CCDC192: variants seen among roughly 807,000 people sequenced by gnomAD.
CCDC192 encodes coiled-coil domain-containing protein 192.
Position 127,918,292 on chromosome 5 carries a change from C to T in CCDC192, c.536-22890C>T, listed in dbSNP as rs182590524. On this transcript the variant is annotated intron_variant, in intron 6 of 6. Transcript: ENST00000514853. ...CCAATTAAATGAGATATGCCCCTGT[C>T]TTTCAAGATGCTTGCTTTTATCACG... 1.1e-3 allele frequency among the ~76,000 whole-genome samples: 166 copies of T among 149,822 alleles called. 1 individual carries two copies. Among genetic ancestry groups the T allele is most frequent in the Middle Eastern group, 6.9e-3 (2 of 288 alleles).
chr5:127,821,778 A>T (rs570667476), intron 5 of CCDC192, among the ~76,000 whole-genome samples: 7 of 152,168 alleles, frequency 4.6e-5, no homozygotes, highest in Non-Finnish European at 1.0e-4. Flanking sequence ...TATTTCTTCC[A>T]TGGCAGCATA....
intron 5 of CCDC192, among the ~76,000 whole-genome samples, chr5:127,869,949 G>A (rs146719913): frequency 6.6e-6 from 1 of 152,212 alleles, no homozygotes; most frequent in Admixed American, 6.5e-5. Context: ...TGGCTATCAA[G>A]CACCTACCAG....
At chr5:127,706,266 C>T (rs1369824282) in intron 1 of CCDC192, among the ~76,000 whole-genome samples, 2 of 152,024 alleles carry the variant, frequency 1.3e-5, no homozygotes, top group Non-Finnish European at 2.9e-5. Flanking sequence ...CAGTGGCTCA[C>T]GCCTGTAATC....
chr5:127,770,813 A>T (rs1218585947), intron 3 of CCDC192, among the ~76,000 whole-genome samples: 1 of 152,184 alleles, frequency 6.6e-6, no homozygotes, highest in Non-Finnish European at 1.5e-5. Flanking sequence ...TTATGCAGGA[A>T]CATTTTAGGA....
At chr5:127,897,820 G>A (rs1752935128) in intron 6 of CCDC192, among the ~76,000 whole-genome samples, 1 of 152,128 alleles carries the variant, frequency 6.6e-6, no homozygotes, top group Non-Finnish European at 1.5e-5. Context: ...AACTTCTCAT[G>A]TAGTTTACTT....
intron 6 of CCDC192, among the ~76,000 whole-genome samples, chr5:127,899,837 G>C (rs973544520): frequency 6.6e-6 from 1 of 152,196 alleles, no homozygotes; most frequent in Non-Finnish European, 1.5e-5. Flanking sequence ...CCATAGGAAT[G>C]GCAATGGGCA....
At chr5:127,812,653 C>T (rs774872278) in intron 5 of CCDC192, among the ~76,000 whole-genome samples, 4 of 152,192 alleles carry the variant, frequency 2.6e-5, no homozygotes, top group Non-Finnish European at 4.4e-5. Context: ...CTCACTCATT[C>T]TTTCTGTGCA....
intron 3 of CCDC192, among the ~76,000 whole-genome samples, chr5:127,765,030 A>G (rs1755140568): frequency 6.6e-6 from 1 of 152,238 alleles, no homozygotes; most frequent in African/African-American, 2.4e-5. Context: ...TCTTGAGGTT[A>G]TTGAATGAGT....
In CCDC192 at chr5:127,710,111, T is replaced by A. The variant is rs551157929; in HGVS notation, c.114+2351T>A. On this transcript the variant is annotated intron_variant, in intron 2 of 6. Coordinates refer to ENST00000514853, the MANE Select transcript of CCDC192 (RefSeq NM_001317938.2). ...TGGGATCCCTGGGGCTTGAAGGAAC[T>A]GGTTGTGCTTCGGTTTCTGATTTTT... 2.1e-4 allele frequency among the ~76,000 whole-genome samples: 32 copies of A among 152,302 alleles called. No homozygotes were observed. The South Asian group carries it at 6.2e-3, about 30-fold the overall frequency.
chr5:127,894,432 C>A (rs1422994205), intron 6 of CCDC192, among the ~76,000 whole-genome samples: 1 of 151,984 alleles, frequency 6.6e-6, no homozygotes, highest in Non-Finnish European at 1.5e-5. Context: ...ACCTCGTGAT[C>A]CACCCGCCTC....
intron 5 of CCDC192, among the ~76,000 whole-genome samples, chr5:127,848,010 T>C (rs1750640190): frequency 6.6e-6 from 1 of 151,932 alleles, no homozygotes; most frequent in Non-Finnish European, 1.5e-5. Flanking sequence ...TTGGCCAGCC[T>C]GGTCTTCAAA....
intron 6 of CCDC192, among the ~76,000 whole-genome samples, chr5:127,916,795 A>G (rs1159245401): frequency 6.6e-6 from 1 of 152,238 alleles, no homozygotes; most frequent in Non-Finnish European, 1.5e-5. Context: ...TCTAGAGCAC[A>G]GGGAGAGTAG....
At chr5:127,883,013 T>A (rs1752417853) in intron 6 of CCDC192, among the ~76,000 whole-genome samples, 1 of 152,236 alleles carries the variant, frequency 6.6e-6, no homozygotes, top group Non-Finnish European at 1.5e-5. Context: ...GTAACTAGTC[T>A]GGTCTTGGAA....
chr5:127,786,195 A>G (rs1429905745), intron 3 of CCDC192: 4 of 822,378 alleles, frequency 4.9e-6, no homozygotes, highest in Non-Finnish European at 8.6e-6. Context: ...TTGCTAATTC[A>G]TCTTGTGTGC....
intron 6 of CCDC192, among the ~76,000 whole-genome samples, chr5:127,894,787 GA>G (rs1417992364): frequency 6.6e-6 from 1 of 152,234 alleles, no homozygotes; most frequent in Non-Finnish European, 1.5e-5. Context: ...GGTTGTTAAT[GA>G]GGCCACAAAT....
chr5:127,817,948 A>G (rs1328388348), intron 5 of CCDC192, among the ~76,000 whole-genome samples: 1 of 152,170 alleles, frequency 6.6e-6, no homozygotes. Context: ...ATGACATTGT[A>G]GAAGTAGTCA....
At chr5:127,753,524 C>T (rs958072768) in intron 2 of CCDC192, among the ~76,000 whole-genome samples, 2 of 151,970 alleles carry the variant, frequency 1.3e-5, no homozygotes, top group African/African-American at 2.4e-5. Context: ...GGGGAATCCA[C>T]GTCTCTACTA....
At chr5:127,868,941 T>C (rs540038924) in intron 5 of CCDC192, among the ~76,000 whole-genome samples, 219 of 152,328 alleles carry the variant, frequency 1.4e-3, no homozygotes, top group Non-Finnish European at 2.5e-3. Flanking sequence ...CATGTCACTT[T>C]GGGCAAGATA....
intron 3 of CCDC192, among the ~76,000 whole-genome samples, chr5:127,755,256 T>A (rs1038353179): frequency 6.6e-6 from 1 of 152,196 alleles, no homozygotes; most frequent in East Asian, 1.9e-4. Flanking sequence ...TTTAAGGTAC[T>A]TTTAATAAAG....
Sources: gnomAD v4.1 joint callset for allele counts (sites outside exome capture counted in the v4.1 genomes callset) on GRCh38, gnomAD v4.1.1 for gene constraint, MANE v1.5 for transcripts, NCBI Gene and HGNC (gene_info 2026-07-23, HGNC 2026-07-21) for gene names.